The following PRKN variants were observed in gnomAD, a reference collection of about 807,000 sequenced individuals.
The protein encoded by PRKN is parkin RBR E3 ubiquitin protein ligase.
In PRKN, 56 loss-of-function variants were observed where a neutral mutation model predicts 59.5. The ratio of observed to expected loss-of-function variants is 0.94; its 90% CI spans 0.76 to 1.18. PRKN has a LOEUF of 1.18. PRKN is among the 50% of genes most tolerant of loss of function. PRKN has a pLI of 0.00. For missense variants in PRKN, 657 were observed against 596.4 expected (o/e 1.10, Z -1.06); for synonymous variants, 250 against 222.1 (o/e 1.13, Z -1.12).
chr6:161,426,085 T>C (rs190939182), intron 9 of PRKN, among the ~76,000 whole-genome samples: 2 of 151,986 alleles, frequency 1.3e-5, no homozygotes, highest in Admixed American at 6.6e-5. Flanking sequence ...TACAGCGTTG[T>C]AGGAGCAAAA....
intron 2 of PRKN, among the ~76,000 whole-genome samples, chr6:162,392,010 ACTTTT>A (rs1438171397): frequency 6.7e-6 from 1 of 148,428 alleles, no homozygotes; most frequent in Non-Finnish European, 1.5e-5. Context: ...AACATTCTTC[ACTTTT>A]CTTAGTACTG....
chr6:162,585,650 C>CA (rs1292164712), intron 1 of PRKN, among the ~76,000 whole-genome samples: 8 of 152,136 alleles, frequency 5.3e-5, no homozygotes, highest in Admixed American at 1.3e-4. Flanking sequence ...TTTGATTCCA[C>CA]ATTTCAGGGC....
rs557849391 is a variant in PRKN at position 162,206,950 on chromosome 6, G to A, written c.413-5698C>T. Among the ~76,000 whole-genome samples the A allele has an allele frequency of 2.6e-5, 4 of 152,306 alleles. No homozygotes were observed. The South Asian group carries it at 8.3e-4, about 32-fold the overall frequency. ...GAACCCACTTTTCTTCATGTTGAGT[G>A]AAGGTATTCATTAGTTCTAGTTTAA... is the stretch of plus-strand genomic sequence containing the variant. On this transcript the variant is annotated intron_variant, in intron 3 of 11. Coordinates refer to ENST00000366898, the MANE Select transcript of PRKN (RefSeq NM_004562.3).
At chr6:162,159,856 A>G (rs1403201454) in intron 4 of PRKN, among the ~76,000 whole-genome samples, 3 of 152,212 alleles carry the variant, frequency 2.0e-5, no homozygotes, top group African/African-American at 2.4e-5. Context: ...AGAATGGACA[A>G]TATTTTCAAC....
intron 4 of PRKN, among the ~76,000 whole-genome samples, chr6:162,136,122 A>C (rs2128309304): frequency 6.7e-6 from 1 of 149,532 alleles, no homozygotes; most frequent in African/African-American, 2.4e-5. Flanking sequence ...ATATATATAA[A>C]TAAATATATT....
chr6:161,604,598 G>C (rs1359686775), intron 7 of PRKN, among the ~76,000 whole-genome samples: 2 of 152,210 alleles, frequency 1.3e-5, no homozygotes, highest in African/African-American at 4.8e-5. Context: ...CTACTTTATA[G>C]AGATGAGAAT....
intron 5 of PRKN, among the ~76,000 whole-genome samples, chr6:162,027,481 A>G (rs1487853385): frequency 6.6e-6 from 1 of 152,124 alleles, no homozygotes; most frequent in African/African-American, 2.4e-5. Context: ...CTTGTGTAGA[A>G]AAACCAGTCC....
chr6:162,596,382 C>A (rs1010917790), intron 1 of PRKN, among the ~76,000 whole-genome samples: 3 of 152,060 alleles, frequency 2.0e-5, no homozygotes, highest in African/African-American at 7.2e-5. Flanking sequence ...TAATCATGTC[C>A]ATTGAGTGAA....
intron 3 of PRKN, among the ~76,000 whole-genome samples, chr6:162,209,075 A>C (rs1785081925): frequency 6.6e-6 from 1 of 152,210 alleles, no homozygotes; most frequent in South Asian, 2.1e-4. Context: ...AAGCAATGGC[A>C]ACAAAAGCCA....
intron 2 of PRKN, among the ~76,000 whole-genome samples, chr6:162,337,267 A>G (rs1476488835): frequency 2.0e-5 from 3 of 152,200 alleles, no homozygotes; most frequent in Non-Finnish European, 4.4e-5. Flanking sequence ...ACAACCCAAA[A>G]TAACAGTTAA....
intron 2 of PRKN, among the ~76,000 whole-genome samples, chr6:162,324,049 G>A (rs1195161738): frequency 4.6e-5 from 7 of 152,006 alleles, no homozygotes; most frequent in African/African-American, 1.7e-4. Context: ...CTGTATACAG[G>A]TGTGCAACTT....
chr6:162,145,669 G>A (rs1468456617), intron 4 of PRKN, among the ~76,000 whole-genome samples: 1 of 152,118 alleles, frequency 6.6e-6, no homozygotes, highest in Non-Finnish European at 1.5e-5. Context: ...ATCTTTTTGG[G>A]TCCAAATACC....
chr6:162,196,963 A>G (rs1784517811), intron 4 of PRKN, among the ~76,000 whole-genome samples: 1 of 152,200 alleles, frequency 6.6e-6, no homozygotes, highest in African/African-American at 2.4e-5. Flanking sequence ...CAAATGAGAA[A>G]AAATACAATT....
chr6:161,691,422 T>C (rs1241849458), intron 7 of PRKN, among the ~76,000 whole-genome samples: 1 of 152,232 alleles, frequency 6.6e-6, no homozygotes, highest in East Asian at 1.9e-4. Flanking sequence ...AGACTTTTTC[T>C]AAAATTGGGG....
At chr6:162,250,721 A>G (rs1478740963) in intron 3 of PRKN, among the ~76,000 whole-genome samples, 2 of 152,220 alleles carry the variant, frequency 1.3e-5, no homozygotes, top group Admixed American at 6.5e-5. Context: ...ATCTCCAATT[A>G]TTGTCTGAAA....
At chr6:162,011,545 T>C (rs1210521379) in intron 5 of PRKN, among the ~76,000 whole-genome samples, 3 of 128,644 alleles carry the variant, frequency 2.3e-5, no homozygotes, top group Non-Finnish European at 3.2e-5. Flanking sequence ...CTTTCCAGAC[T>C]GACTTTAAGA....
At chr6:161,747,940 A>C (rs529523567) in intron 7 of PRKN, among the ~76,000 whole-genome samples, 2 of 152,244 alleles carry the variant, frequency 1.3e-5, no homozygotes, top group African/African-American at 4.8e-5. Flanking sequence ...AGGAGAAAAT[A>C]TAACCTAAAT....
chr6:162,247,949 C>T (rs1380932578), intron 3 of PRKN, among the ~76,000 whole-genome samples: 1 of 152,050 alleles, frequency 6.6e-6, no homozygotes, highest in Non-Finnish European at 1.5e-5. Context: ...ACTTTAATTT[C>T]CCCCCAGCCC....
intron 4 of PRKN, among the ~76,000 whole-genome samples, chr6:162,068,788 G>C (rs997092890): frequency 7.9e-6 from 1 of 126,894 alleles, no homozygotes; most frequent in African/African-American, 2.9e-5. Flanking sequence ...CTTGGTTAGA[G>C]AAAGCAATTT....
Sources: gnomAD v4.1 joint callset for allele counts (sites outside exome capture counted in the v4.1 genomes callset) on GRCh38, gnomAD v4.1.1 for gene constraint, MANE v1.5 for transcripts, NCBI Gene and HGNC (gene_info 2026-07-23, HGNC 2026-07-21) for gene names.